The following CDH2 variants were observed in gnomAD, a reference collection of about 807,000 sequenced individuals.
CDH2 encodes the protein cadherin 2, also known as cadherin-2.
In CDH2, 17 loss-of-function variants were observed where a neutral mutation model predicts 92.0. That is an observed-to-expected ratio of 0.18 (90% CI 0.13 to 0.28). The LOEUF (loss-of-function observed/expected upper bound fraction) is 0.28. Ranked by LOEUF, CDH2 falls within the 10% of genes least tolerant of loss-of-function variation. The probability of loss-of-function intolerance (pLI) is 1.00; values close to 1 mark genes in which losing one functional copy is unlikely to be tolerated. For synonymous variants in CDH2, 419 were observed against 415.9 expected (o/e 1.01, Z -0.09); for missense variants, 862 against 1,133.1 (o/e 0.76, Z 3.44).
At chr18:28,051,947 T>C (rs900342192) in intron 2 of CDH2, among the ~76,000 whole-genome samples, 1 of 152,314 alleles carries the variant, frequency 6.6e-6, no homozygotes, top group East Asian at 1.9e-4. Flanking sequence ...CTGCCACGCA[T>C]GTTTTATATA....
chr18:28,031,447 T>A (rs1264646408), intron 2 of CDH2, among the ~76,000 whole-genome samples: 1 of 152,082 alleles, frequency 6.6e-6, no homozygotes, highest in African/African-American at 2.4e-5. Context: ...ACATCTACGG[T>A]GGCCTTTGAA....
At chr18:28,103,408 G>A (rs28692471) in intron 2 of CDH2, among the ~76,000 whole-genome samples, 1 of 142,480 alleles carries the variant, frequency 7.0e-6, no homozygotes, top group African/African-American at 2.6e-5. Context: ...TATAAAGTAT[G>A]TATATATATA....
chr18:28,175,084 C>G (rs2016517637), intron 1 of CDH2, among the ~76,000 whole-genome samples: 1 of 151,882 alleles, frequency 6.6e-6, no homozygotes, highest in African/African-American at 2.4e-5. Context: ...CTTTAATAAA[C>G]CCCATTTTTA....
Position 28,081,710 on chromosome 18 carries a change from G to A in CDH2, c.172+65963C>T, listed in dbSNP as rs557874368. On this transcript the variant is annotated intron_variant, in intron 2 of 15. Transcript: ENST00000269141. ...TGTCCATAAGACTTCCCTGAATAAT[G>A]ATGATGTTGCATTTATAAAACTGAC... Among the ~76,000 whole-genome samples, 12 of 152,292 alleles carry A rather than the reference G, an allele frequency of 7.9e-5. No individual in the cohort carries two copies. In the South Asian group the frequency reaches 1.5e-3, roughly 18 times the overall value.
At chr18:28,165,875 G>GA (rs1345928337) in intron 1 of CDH2, among the ~76,000 whole-genome samples, 5 of 151,688 alleles carry the variant, frequency 3.3e-5, no homozygotes, top group Non-Finnish European at 7.4e-5. Flanking sequence ...TTTCAGTTCA[G>GA]AAAAACAGAA....
intron 5 of CDH2, among the ~76,000 whole-genome samples, chr18:28,008,847 A>G (rs1026978544): frequency 3.7e-4 from 57 of 152,336 alleles, no homozygotes; most frequent in African/African-American, 1.4e-3. Flanking sequence ...AAACACATCC[A>G]TGCACATGTG....
intron 1 of CDH2, among the ~76,000 whole-genome samples, chr18:28,155,481 GA>G (rs2016194085): frequency 6.6e-6 from 1 of 152,134 alleles, no homozygotes; most frequent in Non-Finnish European, 1.5e-5. Context: ...ATACCGTAAA[GA>G]AATCAAGCCT....
intron 2 of CDH2, among the ~76,000 whole-genome samples, chr18:28,077,106 T>C (rs2014735386): frequency 6.6e-6 from 1 of 152,114 alleles, no homozygotes. Context: ...AACAGCCAAA[T>C]TGGTAATAAA....
intron 2 of CDH2, among the ~76,000 whole-genome samples, chr18:28,115,755 CTTT>C (rs998973604): frequency 2.0e-5 from 3 of 152,078 alleles, no homozygotes; most frequent in South Asian, 2.1e-4. Flanking sequence ...TTTTACGACA[CTTT>C]TTTTTAAGTG....
At chr18:28,104,565 TAA>T (rs2015289575) in intron 2 of CDH2, among the ~76,000 whole-genome samples, 1 of 151,500 alleles carries the variant, frequency 6.6e-6, no homozygotes, top group Non-Finnish European at 1.5e-5. Context: ...GTGAGAAGTG[TAA>T]GTAAAATTAT....
At chr18:28,149,018 G>A (rs2016080828) in intron 1 of CDH2, among the ~76,000 whole-genome samples, 1 of 152,208 alleles carries the variant, frequency 6.6e-6, no homozygotes, top group Non-Finnish European at 1.5e-5. Flanking sequence ...CCCATCGAAT[G>A]AGTAAGCAGT....
At chr18:28,136,787 T>C (rs1166619626) in intron 2 of CDH2, among the ~76,000 whole-genome samples, 1 of 152,192 alleles carries the variant, frequency 6.6e-6, no homozygotes, top group Non-Finnish European at 1.5e-5. Flanking sequence ...AAATACACGC[T>C]AAGACCAAAT....
chr18:28,170,267 T>C (rs749650093), intron 1 of CDH2, among the ~76,000 whole-genome samples: 1 of 152,188 alleles, frequency 6.6e-6, no homozygotes, highest in African/African-American at 2.4e-5. Flanking sequence ...AGTTATAGCT[T>C]ATATTGTGGT....
intron 10 of CDH2, among the ~76,000 whole-genome samples, chr18:27,989,485 G>C (rs995552096): frequency 6.6e-6 from 1 of 152,122 alleles, no homozygotes; most frequent in Non-Finnish European, 1.5e-5. Flanking sequence ...CAGCAGTTCT[G>C]TAAGAAGTTT....
chr18:28,104,165 T>C (rs2015283034), intron 2 of CDH2, among the ~76,000 whole-genome samples: 1 of 152,214 alleles, frequency 6.6e-6, no homozygotes, highest in Non-Finnish European at 1.5e-5. Flanking sequence ...AGACTTATGA[T>C]GAAGAACTAC....
Position 27,951,252 on chromosome 18 carries a change from A to G in CDH2, c.*901T>C, listed in dbSNP as rs1909430573. 1 of 151,930 alleles carries G rather than the reference A, an allele frequency of 6.6e-6. No individual in the cohort carries two copies. Among genetic ancestry groups the G allele is most frequent in the Admixed American group, 6.6e-5 (1 of 15,246 alleles). The allele number at this position is 151,930 out of a possible 1,614,324, so 9.4% of individuals were successfully genotyped here. A position where few individuals can be genotyped will look rare whatever the true frequency, so the allele number is the denominator to read the frequency against. Reference sequence around the variant, plus strand: ...ACCAAAAAGAAAATAAAAAATAAAAAAATTAAAAAAATTAAAAATTGAGTA... The same window carrying G: ...ACCAAAAAGAAAATAAAAAATAAAAGAATTAAAAAAATTAAAAATTGAGTA... On this transcript the variant is annotated 3_prime_UTR_variant, in exon 16 of 16. Transcript: ENST00000269141.
chr18:28,143,184 G>A (rs76588967), intron 2 of CDH2, among the ~76,000 whole-genome samples: 1 of 151,952 alleles, frequency 6.6e-6, no homozygotes, highest in Non-Finnish European at 1.5e-5. Context: ...ATTCAGAGGA[G>A]TTTACTTAGA....
intron 2 of CDH2, among the ~76,000 whole-genome samples, chr18:28,086,493 A>G (rs928011832): frequency 2.6e-5 from 4 of 151,988 alleles, no homozygotes; most frequent in Non-Finnish European, 5.9e-5. Flanking sequence ...CCTAACAAAA[A>G]TCTTCAGAGT....
intron 1 of CDH2, among the ~76,000 whole-genome samples, chr18:28,160,783 C>T (rs1199132551): frequency 2.0e-5 from 3 of 152,174 alleles, no homozygotes; most frequent in Non-Finnish European, 2.9e-5. Flanking sequence ...CAGGTTTGAA[C>T]AGGCTGGCTG....
Sources: allele counts gnomAD v4.1 joint callset (sites outside exome capture counted in the v4.1 genomes callset), GRCh38; gene constraint gnomAD v4.1.1; transcripts MANE v1.5; gene names NCBI Gene and HGNC (gene_info 2026-07-23, HGNC 2026-07-21).